The following DNAJC1 variants were observed in gnomAD, a reference collection of about 807,000 sequenced individuals.
DNAJC1 encodes the protein dnaJ homolog subfamily C member 1.
In DNAJC1, 58 loss-of-function variants were observed where a neutral mutation model predicts 76.6. The ratio of observed to expected loss-of-function variants is 0.76; its 90% confidence interval spans 0.61 to 0.94. DNAJC1 has a LOEUF of 0.94. Among genes scored for constraint, DNAJC1 ranks in the 40% least tolerant of loss-of-function variants. DNAJC1 has a pLI of 0.00. For missense variants in DNAJC1, 689 were observed against 677.3 expected (o/e 1.02, Z -0.19); for synonymous variants, 258 against 267.9 (o/e 0.96, Z 0.36).
chr10:21,918,821 A>C lies in DNAJC1; in HGVS notation c.687T>G (p.Ile229Met). The change falls in exon 6 of 12, where the codon ATT becomes ATG. Residue 229 changes from isoleucine to methionine, a missense_variant. Physicochemically the swap from Ile to Met is conservative, Grantham distance 10. Transcript: ENST00000376980. ...ATGCTTTTAGTGTAAGGCAAAACCAAATCCCCAGTTTGCATGGAAGCAAAT... is the reference window on the plus strand; with the variant it reads ...ATGCTTTTAGTGTAAGGCAAAACCACATCCCCAGTTTGCATGGAAGCAAAT... ...WHDLLPCKLG[I>M]WFCLTLKALP... is the part of the protein sequence containing the mutation. The C allele has an allele frequency of 6.2e-7, 1 of 1,613,372 alleles. No homozygotes were observed. The highest frequency in any genetic ancestry group is 1.1e-5 in the South Asian group (1 of 91,060).
At chr10:21,784,529 A>G (rs1047310823) in intron 9 of DNAJC1, among the ~76,000 whole-genome samples, 1 of 152,162 alleles carries the variant, frequency 6.6e-6, no homozygotes, top group Non-Finnish European at 1.5e-5. Context: ...ATACCATTTG[A>G]CCCAGCCATC....
At chr10:21,947,366 G>A (rs1275711462) in intron 1 of DNAJC1, among the ~76,000 whole-genome samples, 3 of 152,044 alleles carry the variant, frequency 2.0e-5, no homozygotes, top group East Asian at 1.9e-4. Flanking sequence ...CCTGACTCCC[G>A]TTCCACTTCC....
At chr10:21,912,085 T>C (rs1230530279) in intron 6 of DNAJC1, among the ~76,000 whole-genome samples, 1 of 152,202 alleles carries the variant, frequency 6.6e-6, no homozygotes, top group East Asian at 1.9e-4. Context: ...AGCCTGAACA[T>C]TCTGACAGGG....
intron 1 of DNAJC1, among the ~76,000 whole-genome samples, chr10:21,985,384 G>C (rs1246329372): frequency 3.3e-5 from 5 of 152,020 alleles, no homozygotes; most frequent in African/African-American, 1.2e-4. Flanking sequence ...CGAGTAACTG[G>C]GATCACAGGC....
rs1056361285 is a variant in DNAJC1, at chr10:21,774,157, A to G, written c.1099-7848T>C. 8.6e-5 allele frequency among the ~76,000 whole-genome samples: 13 copies of G among 151,990 alleles called. No homozygotes were observed. In the East Asian group the frequency reaches 2.5e-3, roughly 29 times the overall value. On this transcript the variant is annotated intron_variant, in intron 9 of 11. Coordinates refer to ENST00000376980, the MANE Select transcript of DNAJC1 (RefSeq NM_022365.4). ...CTCCGTCTCAAAAAAAAAAAAAAAA[A>G]AAGATGTATAAAGATACAGAATATA...
At chr10:21,946,049 C>CTTTTTTTTTTTTTTTTTTTTTT (rs71510915) in intron 1 of DNAJC1, among the ~76,000 whole-genome samples, 1 of 93,306 alleles carries the variant, frequency 1.1e-5, no homozygotes, top group Non-Finnish European at 1.9e-5. Flanking sequence ...TTCTTTTCCT[C>CTTTTTTTTTTTTTTTTTTTTTT]TTTTTTTTTT....
chr10:21,813,038 C>T (rs972012178), intron 8 of DNAJC1, among the ~76,000 whole-genome samples: 8 of 143,630 alleles, frequency 5.6e-5, no homozygotes, highest in African/African-American at 2.1e-4. Context: ...CACACACACA[C>T]ACACACACAC....
chr10:21,798,993 C>G (rs1386195496), intron 9 of DNAJC1, among the ~76,000 whole-genome samples: 1 of 152,138 alleles, frequency 6.6e-6, no homozygotes, highest in Non-Finnish European at 1.5e-5. Context: ...TGTGCCTGAC[C>G]AACAATCTAC....
chr10:21,858,174 A>G (rs1835868804), intron 8 of DNAJC1, among the ~76,000 whole-genome samples: 2 of 152,192 alleles, frequency 1.3e-5, no homozygotes, highest in Non-Finnish European at 2.9e-5. Flanking sequence ...TATGTGTTAC[A>G]TCATTCGTAA....
At chr10:21,761,955 T>C (rs1215620971) in intron 10 of DNAJC1, among the ~76,000 whole-genome samples, 3 of 152,214 alleles carry the variant, frequency 2.0e-5, no homozygotes, top group Admixed American at 6.5e-5. Context: ...TTCACCAGGC[T>C]GGAGTGAAGG....
chr10:21,815,963 C>T (rs1329094163), intron 8 of DNAJC1, among the ~76,000 whole-genome samples: 3 of 150,338 alleles, frequency 2.0e-5, no homozygotes, highest in African/African-American at 7.3e-5. Context: ...AGGCTGGTCT[C>T]GAACTCCTGA....
chr10:21,870,554 G>T (rs1321584310), intron 8 of DNAJC1, among the ~76,000 whole-genome samples: 1 of 152,086 alleles, frequency 6.6e-6, no homozygotes, highest in Non-Finnish European at 1.5e-5. Context: ...TAGGAGGACT[G>T]CTTAAGCCCA....
At chr10:21,923,522 A>C (rs1837072091) in intron 3 of DNAJC1, among the ~76,000 whole-genome samples, 1 of 151,956 alleles carries the variant, frequency 6.6e-6, no homozygotes, top group African/African-American at 2.4e-5. Context: ...ACTGTTCTCA[A>C]CTATTTATTA....
At chr10:21,960,588 G>A (rs758740423) in intron 1 of DNAJC1, among the ~76,000 whole-genome samples, 3 of 152,140 alleles carry the variant, frequency 2.0e-5, no homozygotes, top group Non-Finnish European at 4.4e-5. Flanking sequence ...GTACTTGGAG[G>A]CTGAAGTGGG....
chr10:21,978,961 C>T (rs1419240815), intron 1 of DNAJC1, among the ~76,000 whole-genome samples: 1 of 151,936 alleles, frequency 6.6e-6, no homozygotes, highest in Non-Finnish European at 1.5e-5. Context: ...GATTAATTAC[C>T]TCTATGACTT....
chr10:21,867,857 A>AG (rs1394613174), intron 8 of DNAJC1, among the ~76,000 whole-genome samples: 1 of 151,918 alleles, frequency 6.6e-6, no homozygotes, highest in African/African-American at 2.4e-5. Flanking sequence ...AGATCACCTG[A>AG]GGTCAGGAGT....
intron 1 of DNAJC1, among the ~76,000 whole-genome samples, chr10:21,984,282 A>G (rs1838203358): frequency 6.6e-6 from 1 of 152,210 alleles, no homozygotes; most frequent in South Asian, 2.1e-4. Flanking sequence ...AAATGATAGA[A>G]GTCTATTTTT....
intron 7 of DNAJC1, among the ~76,000 whole-genome samples, chr10:21,895,260 T>A (rs1178512557): frequency 6.6e-6 from 1 of 151,946 alleles, no homozygotes; most frequent in African/African-American, 2.4e-5. Flanking sequence ...ATGATCTAAG[T>A]GGTTGTGATC....
Position 22,003,323 on chromosome 10 carries a change from G to T in DNAJC1, c.112C>A (p.Leu38Met). 1.3e-6 allele frequency: 2 copies of T among 1,516,652 alleles called. No homozygotes were observed. The highest frequency in any genetic ancestry group is 1.8e-6 in the Non-Finnish European group (2 of 1,132,230). 93.9% of individuals were successfully genotyped at this position (1,516,652 alleles called of 1,614,324 possible). The change falls in exon 1 of 12, where the codon CTG becomes ATG. Residue 38 changes from leucine to methionine, a missense_variant. Leu to Met is a conservative substitution (Grantham distance 15, BLOSUM62 2). Coordinates refer to ENST00000376980, the MANE Select transcript of DNAJC1 (RefSeq NM_022365.4). The part of the protein sequence containing the change: ...RTPLLWLLLL[L>M]LAAVAPARGW... ...CGCGCCGGCGCCACGGCGGCCAGCA[G>T]CAGCAGCAGCAGCCACAGCAGCGGC... is the stretch of plus-strand genomic sequence containing the variant.
Sources: gnomAD v4.1 joint callset for allele counts (sites outside exome capture counted in the v4.1 genomes callset) on GRCh38, gnomAD v4.1.1 for gene constraint, MANE v1.5 for transcripts, NCBI Gene and HGNC (gene_info 2026-07-23, HGNC 2026-07-21) for gene names.